Variants in USP34 observed in about 807,000 individuals in gnomAD.
The protein encoded by USP34 is ubiquitin specific peptidase 34, also known as ubiquitin carboxyl-terminal hydrolase 34.
In USP34, 70 loss-of-function variants were observed where a neutral mutation model predicts 460.3. The observed-to-expected ratio is 0.15, with a 90% CI of 0.13 to 0.19. The LOEUF is 0.19. Ranked by LOEUF, USP34 falls within the 10% of genes least tolerant of loss-of-function variation. The pLI is 1.00. For synonymous variants in USP34, 1,647 were observed against 1,405.3 expected, an observed-to-expected ratio of 1.17 and a Z score of -3.85; for missense variants, 3,985 against 4,236.2, an observed-to-expected ratio of 0.94 and a Z score of 1.65.
rs761798637 is a variant in USP34, at chr2:61,394,892, T to C, written c.714A>G (p.Pro238=). 2 of 1,597,644 alleles carry C rather than the reference T, an allele frequency of 1.3e-6. No individual in the cohort carries two copies. The highest frequency in any genetic ancestry group is 2.3e-5 in the East Asian group (1 of 44,174). Residue 238 remains proline (P), a synonymous_variant, in exon 5 of 80, where the codon CCA becomes CCG. Transcript: ENST00000398571. The part of the protein sequence containing the change: ...CFEYGTPETL[P]FLIAHAFITV... ...TAATAAACGCATGTGCTATAAGAAA[T>C]GGCAAAGTTTCAGGAGTTCCATATT... is the stretch of plus-strand genomic sequence containing the variant.
intron 35 of USP34, among the ~76,000 whole-genome samples, chr2:61,284,170 G>C (rs2103963005): frequency 6.6e-6 from 1 of 152,274 alleles, no homozygotes; most frequent in East Asian, 1.9e-4. Context: ...ACTGAAATAA[G>C]TAAACCCTCA....
At chr2:61,387,136 T>C (rs1235444785) in intron 5 of USP34, among the ~76,000 whole-genome samples, 1 of 152,120 alleles carries the variant, frequency 6.6e-6, no homozygotes, top group African/African-American at 2.4e-5. Context: ...AATATGCCTA[T>C]GAAAAGGTGC....
chr2:61,410,764 T>C (rs183492069), intron 2 of USP34, among the ~76,000 whole-genome samples: 1 of 152,226 alleles, frequency 6.6e-6, no homozygotes, highest in African/African-American at 2.4e-5. Flanking sequence ...TCAACATATT[T>C]TGAGTGACAG....
chr2:61,275,346 T>C (rs934544417), intron 41 of USP34, among the ~76,000 whole-genome samples: 8 of 152,126 alleles, frequency 5.3e-5, no homozygotes, highest in African/African-American at 1.7e-4. Flanking sequence ...GCGGTGTGCG[T>C]TGGCTCACAT....
chr2:61,430,396 T>G (rs1694634623), intron 1 of USP34, among the ~76,000 whole-genome samples: 1 of 152,088 alleles, frequency 6.6e-6, no homozygotes, highest in Admixed American at 6.5e-5. Flanking sequence ...AGAGCAAGAC[T>G]GTCTCAAAAA....
intron 48 of USP34, among the ~76,000 whole-genome samples, chr2:61,254,474 T>C (rs1264725745): frequency 6.6e-6 from 1 of 152,252 alleles, no homozygotes; most frequent in Non-Finnish European, 1.5e-5. Context: ...AATACACTAC[T>C]TAAAAATGCA....
intron 1 of USP34, among the ~76,000 whole-genome samples, chr2:61,465,746 G>C (rs79473171): frequency 0.12 from 18,530 of 152,106 alleles, 1,584 homozygotes; most frequent in East Asian, 0.38. Flanking sequence ...GGGAGGCCGA[G>C]GCAGGTGGAT....
intron 22 of USP34, among the ~76,000 whole-genome samples, chr2:61,318,317 A>C (rs1690813989): frequency 6.6e-6 from 1 of 152,214 alleles, no homozygotes; most frequent in Admixed American, 6.5e-5. Context: ...AGAGGACATA[A>C]ATAAAGACAA....
At chr2:61,249,413 T>C (rs1024712261) in intron 48 of USP34, among the ~76,000 whole-genome samples, 1 of 152,212 alleles carries the variant, frequency 6.6e-6, no homozygotes, top group Admixed American at 6.5e-5. Context: ...TGTGCCAGAT[T>C]TTATCATGCT....
At chr2:61,379,371 T>C (rs898153899) in intron 7 of USP34, among the ~76,000 whole-genome samples, 1 of 151,764 alleles carries the variant, frequency 6.6e-6, no homozygotes, top group Non-Finnish European at 1.5e-5. Context: ...ATGCAAAAAA[T>C]TAGCTGGGTG....
chr2:61,420,963 TAA>T (rs1192056396), intron 1 of USP34, 130 bp from the exon 2 acceptor site: 1 of 592,536 alleles, frequency 1.7e-6, no homozygotes, highest in Non-Finnish European at 2.7e-6. Flanking sequence ...CCAAAGAAAA[TAA>T]GTCTACTTTT....
At chr2:61,419,147 GA>G (rs1694286205) in intron 2 of USP34, among the ~76,000 whole-genome samples, 1 of 152,036 alleles carries the variant, frequency 6.6e-6, no homozygotes, top group Admixed American at 6.5e-5. Context: ...CACAGGTGAT[GA>G]AGCAGGACTA....
chr2:61,398,290 T>C (rs1693598916), intron 3 of USP34, among the ~76,000 whole-genome samples: 1 of 151,736 alleles, frequency 6.6e-6, no homozygotes, highest in African/African-American at 2.4e-5. Context: ...TTGCATGAAC[T>C]TGGGAGGTCT....
At chr2:61,453,529 G>A (rs1177056259) in intron 1 of USP34, among the ~76,000 whole-genome samples, 3 of 151,490 alleles carry the variant, frequency 2.0e-5, no homozygotes, top group Non-Finnish European at 2.9e-5. Context: ...CGCCAATATG[G>A]TGAAACCCCA....
chr2:61,226,494 T>C (rs890353976), intron 62 of USP34, among the ~76,000 whole-genome samples: 2 of 152,184 alleles, frequency 1.3e-5, no homozygotes, highest in Non-Finnish European at 2.9e-5. Context: ...AGCATTCCCT[T>C]AAAAAGTAGG....
At chr2:61,207,749 C>G (rs143528522) in intron 70 of USP34, 289 of 152,264 alleles carry the variant, frequency 1.9e-3, no homozygotes, top group African/African-American at 6.7e-3. Context: ...GAAATTCTTA[C>G]TACTCCTCTT....
At chr2:61,276,520 A>G (rs1407792276) in intron 41 of USP34, among the ~76,000 whole-genome samples, 1 of 152,196 alleles carries the variant, frequency 6.6e-6, no homozygotes, top group Non-Finnish European at 1.5e-5. Flanking sequence ...AAAGTCCTGG[A>G]AGGCCATCAC....
chr2:61,417,130 C>A, intron 2 of USP34: 1 of 1,571,602 alleles, frequency 6.4e-7, no homozygotes, highest in Non-Finnish European at 8.6e-7. Context: ...CATAACTTGG[C>A]CAATGTGAAC....
At chr2:61,398,193 A>G (rs1464707770) in intron 3 of USP34, among the ~76,000 whole-genome samples, 2 of 151,910 alleles carry the variant, frequency 1.3e-5, no homozygotes, top group Non-Finnish European at 2.9e-5. Flanking sequence ...GGCGAGACCC[A>G]ATCTCTATTA....
Sources: allele counts gnomAD v4.1 joint callset (sites outside exome capture counted in the v4.1 genomes callset), GRCh38; gene constraint gnomAD v4.1.1; transcripts MANE v1.5; gene names NCBI Gene and HGNC (gene_info 2026-07-23, HGNC 2026-07-21).